The following KIF22 variants were observed in gnomAD, a reference collection of about 807,000 sequenced individuals.
The protein encoded by KIF22 is kinesin family member 22.
KIF22 carries 62 observed loss-of-function variants against 73.0 expected under a neutral mutation model. The ratio of observed to expected loss-of-function variants is 0.85; its 90% CI spans 0.69 to 1.05. KIF22 has a LOEUF of 1.05. Ranked by LOEUF, KIF22 falls within the 50% of genes least tolerant of loss-of-function variation. KIF22 has a pLI of 0.00. For missense variants in KIF22, 854 were observed against 870.1 expected (o/e 0.98, Z 0.23); for synonymous variants, 411 against 340.1 (o/e 1.21, Z -2.29).
chr16:29,799,124 T>G lies in KIF22; in HGVS notation c.699T>G (p.Thr233=). 1 of 1,614,142 alleles carries G rather than the reference T, an allele frequency of 6.2e-7. No individual in the cohort carries two copies. The highest frequency in any genetic ancestry group is 8.5e-7 in the Non-Finnish European group (1 of 1,180,038). The change falls in exon 5 of 14, where the codon ACT becomes ACG. Residue 233 remains threonine (T), a synonymous_variant. Transcript: ENST00000160827. ...TCCTGCCAGCCAGTCGAAATCGGAC[T>G]GTAGGAGCCACCCGGCTCAACCAGC... is the stretch of plus-strand genomic sequence containing the variant. ...RHFLPASRNR[T]VGATRLNQRS...
In KIF22 at chr16:29,805,001, G is replaced by A. The variant is rs1235459427; in HGVS notation, c.1865G>A (p.Arg622Gln). 1.2e-6 allele frequency: 2 copies of A among 1,610,420 alleles called. No individual in the cohort carries two copies. Among genetic ancestry groups the A allele is most frequent in the Non-Finnish European group, 1.7e-6 (2 of 1,178,456 alleles). ...AAGGCCCAGCTAATCGTGGGCTGGC[G>A]GGAGCTCCACGGCCCCTTCAGCCAG... ...PKKAQLIVGW[R>Q]ELHGPFSQVE... Residue 622 changes from arginine to glutamine, a missense_variant, in exon 12 of 14, where the codon CGG (arginine) becomes CAG (glutamine). By Grantham distance (43) the Arg-to-Gln change is conservative (BLOSUM62 1). This residue lies in a region of KIF22 where 423 missense variants were observed against 365.4 expected (regional missense o/e 1.16). Coordinates refer to ENST00000160827, the MANE Select transcript of KIF22 (RefSeq NM_007317.3).
rs547453104 is a variant in KIF22, at chr16:29,802,161, G to A, written c.1281-608G>A. Among the ~76,000 whole-genome samples the A allele has an allele frequency of 1.1e-4, 17 of 151,524 alleles. No individual in the cohort carries two copies. In the East Asian group the frequency reaches 2.1e-3, roughly 19 times the overall value. ...ATGCACCTGTGGACCCAGCTACTCA[G>A]GAGGCTGAGACAGGGGGATTGCTTA... On this transcript the variant is annotated intron_variant, in intron 8 of 13. Coordinates refer to ENST00000160827, the MANE Select transcript of KIF22 (RefSeq NM_007317.3).
At position 29,804,070 on chromosome 16, in the gene KIF22, A is replaced by C. The variant is rs749914269; in HGVS notation, c.1677+5A>C. 6.2e-7 allele frequency: 1 copy of C among 1,612,564 alleles called. No homozygotes were observed. The highest frequency in any genetic ancestry group is 2.2e-5 in the East Asian group (1 of 44,880). ...AATAAAGGCCGGAAGAGAAAGGTGA[A>C]AGTAGCTGGGGGCTTAGGCTACACC... On this transcript the variant is annotated splice_donor_5th_base_variant and intron_variant, in intron 11 of 13. Transcript: ENST00000160827.
In KIF22 at chr16:29,797,414, C is replaced by T. The variant is rs1452156748; in HGVS notation, c.266+326C>T. Among the ~76,000 whole-genome samples, 1 of 152,042 alleles carries T rather than the reference C, an allele frequency of 6.6e-6. No homozygotes were observed. ...GAACACAGACCTGCCAGCCAGCCTA[C>T]CCAAGCTGCAGCTGGGTAGTGTCAG... On this transcript the variant is annotated intron_variant, in intron 2 of 13. Coordinates refer to ENST00000160827, the MANE Select transcript of KIF22 (RefSeq NM_007317.3). The surrounding 1 kb of genome is among the most constrained non-coding windows in gnomAD (Gnocchi z 4.1).
Position 29,790,844 on chromosome 16 carries a change from C to T in KIF22, c.70+15C>T. The T allele has an allele frequency of 1.3e-6, 2 of 1,595,522 alleles. No homozygotes were observed. Among genetic ancestry groups the T allele is most frequent in the Non-Finnish European group, 1.7e-6 (2 of 1,171,044 alleles). Reference sequence around the variant, plus strand: ...GGCGATCTCAGGTACTTGAGCCCGGCCTGGGCAAGGCGGGTACCGACGTCT... The same window carrying T: ...GGCGATCTCAGGTACTTGAGCCCGGTCTGGGCAAGGCGGGTACCGACGTCT... On this transcript the variant is annotated intron_variant, in intron 1 of 13. Coordinates refer to ENST00000160827, the MANE Select transcript of KIF22 (RefSeq NM_007317.3).
In KIF22 at chr16:29,798,725, A is replaced by G. The variant is rs1412744018; in HGVS notation, c.527A>G (p.Tyr176Cys). 1 of 1,613,890 alleles carries G rather than the reference A, an allele frequency of 6.2e-7. No homozygotes were observed. The highest frequency in any genetic ancestry group is 1.1e-5 in the South Asian group (1 of 91,086). ...TGGGCCCTTTCTGTCACCATGTCTT[A>G]CCTAGAGATCTACCAGGAGAAGGTG... Reference protein sequence around the residue: ...RPWALSVTMSYLEIYQEKVLD... With the variant: ...RPWALSVTMSCLEIYQEKVLD... The change falls in exon 4 of 14, where the codon TAC becomes TGC. Residue 176 changes from tyrosine to cysteine, a missense_variant. This residue lies in a region of KIF22 where 245 missense variants were observed against 351.8 expected (regional missense o/e 0.70). Transcript: ENST00000160827. This position sits in a 1 kb window ranked among gnomAD's most constrained non-coding sequence, Gnocchi z 4.1.
chr16:29,790,954 A>T, intron 1 of KIF22, 125 bp downstream of exon 1: 1 of 1,502,840 alleles, frequency 6.7e-7, no homozygotes, highest in Non-Finnish European at 8.9e-7. Flanking sequence ...AGGGGCGGGG[A>T]GAGGGGGACG....
At position 29,800,142 on chromosome 16, in the gene KIF22, A is replaced by G; in HGVS notation, c.1280+94A>G. On this transcript the variant is annotated intron_variant, in intron 8 of 13. Coordinates refer to ENST00000160827, the MANE Select transcript of KIF22 (RefSeq NM_007317.3). ...TCAGATCCTTGAGCAGAGAGCTGTG[A>G]TCTTGTTCCTCTCCCATTAAATTCA... 6 of 1,398,144 alleles carry G rather than the reference A, an allele frequency of 4.3e-6. No individual in the cohort carries two copies. The South Asian group carries it at 6.9e-5, about 16-fold the overall frequency. The allele number at this position is 1,398,144 out of a possible 1,614,324, so 86.6% of individuals were successfully genotyped here. A position where few individuals can be genotyped will look rare whatever the true frequency, so the allele number is the denominator to read the frequency against.
At position 29,798,865 on chromosome 16, in the gene KIF22, G is replaced by A; in HGVS notation, c.550-110G>A. On this transcript the variant is annotated intron_variant, in intron 4 of 13. Transcript: ENST00000160827. The surrounding 1 kb of genome is among the most constrained non-coding windows in gnomAD (Gnocchi z 4.1). ...GGTGAGACCTAGAAAGACAGAGACTGGGGTAGCAGATGGTACAACTCCGAG... is the reference window on the plus strand; with the variant it reads ...GGTGAGACCTAGAAAGACAGAGACTAGGGTAGCAGATGGTACAACTCCGAG... 4.6e-6 allele frequency: 7 copies of A among 1,527,654 alleles called. No individual in the cohort carries two copies. The highest frequency in any genetic ancestry group is 3.5e-5 in the Admixed American group (2 of 57,156). 94.6% of individuals were successfully genotyped at this position (1,527,654 alleles called of 1,614,324 possible).
intron 8 of KIF22, 125 bp from the exon 9 acceptor site, chr16:29,802,644 G>C: frequency 1.1e-6 from 1 of 886,598 alleles, no homozygotes; most frequent in Non-Finnish European, 1.6e-6. Flanking sequence ...TGGATGCCTA[G>C]CAAGTTAACA....
rs1297157890 is a variant in KIF22, at chr16:29,799,628, G to A, written c.991G>A (p.Asp331Asn). The A allele has an allele frequency of 6.2e-7, 1 of 1,614,054 alleles. No homozygotes were observed. The highest frequency in any genetic ancestry group is 1.1e-5 in the South Asian group (1 of 91,064). The stretch of plus-strand genomic sequence containing the variant: ...ACCCACTGCCTGGTCTCACCCTCAG[G>A]ACTCTCTGGGTGGCTCAGCCCACAG... Reference protein sequence around the residue: ...RDSKLTRLLQDSLGGSAHSIL... With the variant: ...RDSKLTRLLQNSLGGSAHSIL... Residue 331 changes from aspartate (D) to asparagine (N), a missense_variant and splice_region_variant, in exon 7 of 14, where the codon GAC (aspartate) becomes AAC (asparagine). Coordinates refer to ENST00000160827, the MANE Select transcript of KIF22 (RefSeq NM_007317.3).
At chr16:29,799,860 CA>C in intron 7 of KIF22, 52 bp from the exon 8 acceptor site, 1 of 1,612,380 alleles carries the variant, frequency 6.2e-7, no homozygotes, top group Non-Finnish European at 8.5e-7. Context: ...AGCATCAGCA[CA>C]GAGGCTGACC....
At chr16:29,795,622 A>G (rs148145062) in intron 1 of KIF22, among the ~76,000 whole-genome samples, 50 of 152,332 alleles carry the variant, frequency 3.3e-4, no homozygotes, top group African/African-American at 1.2e-3. Context: ...ACTATGAGCT[A>G]CAGTATGTTA....
rs76507981 is a variant in KIF22 at position 29,803,154 on chromosome 16, A to G, written c.1449+217A>G. 0.033 allele frequency among the ~76,000 whole-genome samples: 5,052 copies of G among 152,188 alleles called. 250 individuals carry two copies. The highest frequency in any genetic ancestry group is 0.11 in the African/African-American group (4,448 of 41,494). On this transcript the variant is annotated intron_variant, in intron 9 of 13. Coordinates refer to ENST00000160827, the MANE Select transcript of KIF22 (RefSeq NM_007317.3). Reference sequence around the variant, plus strand: ...GGTGAGAAGAAAAAGTTCAAAGTAAAAGCAACAAATGTTAAACATTACATT... The same window carrying G: ...GGTGAGAAGAAAAAGTTCAAAGTAAGAGCAACAAATGTTAAACATTACATT...
At position 29,804,931 on chromosome 16, in the gene KIF22, G is replaced by A. The variant is rs1168281634; in HGVS notation, c.1795G>A (p.Gly599Ser). 2 of 1,613,822 alleles carry A rather than the reference G, an allele frequency of 1.2e-6. No individual in the cohort carries two copies. Among genetic ancestry groups the A allele is most frequent in the East Asian group, 2.2e-5 (1 of 44,886 alleles). Residue 599 changes from glycine to serine, a missense_variant, in exon 12 of 14, where the codon GGC becomes AGC. By Grantham distance (56) the Gly-to-Ser change is moderately conservative (BLOSUM62 0). This residue lies in a region of KIF22 where 423 missense variants were observed against 365.4 expected (regional missense o/e 1.16). Transcript: ENST00000160827. ...AAAAATACTGGATCTGCTGAACGAA[G>A]GCTCAGCCCGAGATCTCCGCAGTCT... is the stretch of plus-strand genomic sequence containing the variant. Reference protein sequence around the residue: ...RQKILDLLNEGSARDLRSLQR... With the variant: ...RQKILDLLNESSARDLRSLQR...
intron 9 of KIF22, 77 bp downstream of exon 9, chr16:29,803,014 G>C: frequency 1.4e-6 from 2 of 1,454,126 alleles, no homozygotes; most frequent in South Asian, 2.4e-5. Context: ...GACAGGGAAG[G>C]ACACTCAGGC....
Position 29,799,440 on chromosome 16 carries a change from T to A in KIF22, c.936T>A (p.Asn312Lys). The A allele has an allele frequency of 6.2e-7, 1 of 1,614,210 alleles. No individual in the cohort carries two copies. Among genetic ancestry groups the A allele is most frequent in the African/African-American group, 1.3e-5 (1 of 75,044 alleles). The change falls in exon 6 of 14, where the codon AAT becomes AAA. Residue 312 changes from asparagine (N) to lysine (K), a missense_variant. Asn to Lys is a moderately conservative substitution (Grantham distance 94). Transcript: ENST00000160827. Reference protein sequence around the residue: ...FVLGKVVDALNQGLPRVPYRD... With the variant: ...FVLGKVVDALKQGLPRVPYRD... ...TGGGCAAAGTGGTAGATGCGCTGAATCAGGGCCTCCCTCGTGTACCTTATC... is the reference window on the plus strand; with the variant it reads ...TGGGCAAAGTGGTAGATGCGCTGAAACAGGGCCTCCCTCGTGTACCTTATC...
chr16:29,792,316 A>G (rs1205027541), intron 1 of KIF22: 1 of 455,294 alleles, frequency 2.2e-6, no homozygotes. Context: ...ACTCTTGTGC[A>G]GTAAATAATT....
chr16:29,803,176 C>T (rs749263376), intron 9 of KIF22, among the ~76,000 whole-genome samples: 6 of 152,204 alleles, frequency 3.9e-5, no homozygotes, highest in Non-Finnish European at 8.8e-5. Context: ...TTAAACATTA[C>T]ATTTCCTAAA....
Sources: gnomAD v4.1 joint callset for allele counts (sites outside exome capture counted in the v4.1 genomes callset) on GRCh38, gnomAD v4.1.1 for gene constraint, gnomAD v4.1.1 regional missense constraint, Gnocchi (gnomAD v3.1) non-coding constraint, MANE v1.5 for transcripts, NCBI Gene and HGNC (gene_info 2026-07-23, HGNC 2026-07-21) for gene names.